STAT3: variants seen among roughly 807,000 people sequenced by gnomAD.
STAT3 encodes signal transducer and activator of transcription 3, also known as DNA-binding protein APRF.
STAT3 carries 7 observed loss-of-function variants against 114.3 expected under a neutral mutation model. The ratio of observed to expected loss-of-function variants is 0.06; its 90% CI spans 0.03 to 0.11. STAT3 has a LOEUF of 0.11. Ranked by LOEUF, STAT3 falls within the 10% of genes least tolerant of loss-of-function variation. The probability of loss-of-function intolerance (pLI) is 1.00; values close to 1 mark genes in which losing one functional copy is unlikely to be tolerated. For missense variants in STAT3, 364 were observed against 960.9 expected, an observed-to-expected ratio of 0.38 and a Z score of 8.21; for synonymous variants, 331 against 354.5, an observed-to-expected ratio of 0.93 and a Z score of 0.74.
intron 4 of STAT3, among the ~76,000 whole-genome samples, chr17:42,341,237 T>C (rs1225058533): frequency 6.6e-6 from 1 of 152,244 alleles, no homozygotes; most frequent in Non-Finnish European, 1.5e-5. Context: ...GGCTCCCCAC[T>C]GCTTCCAGCT....
At chr17:42,327,453 T>C (rs1328134513) in intron 14 of STAT3, among the ~76,000 whole-genome samples, 3 of 152,206 alleles carry the variant, frequency 2.0e-5, no homozygotes, top group Non-Finnish European at 2.9e-5. Flanking sequence ...GTGTATTCCT[T>C]TTCACAGCTG....
At chr17:42,362,748 G>A (rs977651790) in intron 1 of STAT3, among the ~76,000 whole-genome samples, 2 of 152,136 alleles carry the variant, frequency 1.3e-5, no homozygotes, top group South Asian at 2.1e-4. Flanking sequence ...GCCCAATAGC[G>A]TGCAGCATGT....
At chr17:42,353,205 G>T (rs1235694826) in intron 1 of STAT3, among the ~76,000 whole-genome samples, 1 of 151,980 alleles carries the variant, frequency 6.6e-6, no homozygotes, top group Non-Finnish European at 1.5e-5. Flanking sequence ...AAAATTAGCT[G>T]GGTATGGTGG....
At chr17:42,339,998 C>T (rs7215104) in intron 4 of STAT3, among the ~76,000 whole-genome samples, 11,295 of 151,718 alleles carry the variant, frequency 0.074, 1,422 homozygotes, top group African/African-American at 0.26. Context: ...GGCCCCATCT[C>T]GAATGAATAA....
intron 1 of STAT3, among the ~76,000 whole-genome samples, chr17:42,361,899 G>A (rs72823023): frequency 0.04 from 6,057 of 152,292 alleles, 180 homozygotes; most frequent in Non-Finnish European, 0.065. Context: ...GGAGGTCGTG[G>A]CTGCCCAATT....
intron 14 of STAT3, among the ~76,000 whole-genome samples, chr17:42,328,076 T>G (rs2081817579): frequency 6.6e-6 from 1 of 151,594 alleles, no homozygotes; most frequent in Non-Finnish European, 1.5e-5. Context: ...TATAATTCAT[T>G]TTTAATACTA....
intron 1 of STAT3, among the ~76,000 whole-genome samples, chr17:42,362,988 C>T (rs1222074378): frequency 1.3e-5 from 2 of 152,190 alleles, no homozygotes; most frequent in Non-Finnish European, 2.9e-5. Context: ...GGACTCATAA[C>T]CACTATGCTG....
intron 14 of STAT3, 55 bp downstream of exon 14, chr17:42,329,355 C>A: frequency 6.2e-7 from 1 of 1,604,656 alleles, no homozygotes; most frequent in Non-Finnish European, 8.5e-7. Context: ...GATCTTTACC[C>A]CTCTCTCCCT....
chr17:42,339,760 T>C (rs994511669), intron 4 of STAT3, among the ~76,000 whole-genome samples: 5 of 150,460 alleles, frequency 3.3e-5, no homozygotes, highest in African/African-American at 1.2e-4. Context: ...TGAGGGATAA[T>C]AAAAAAAAAG....
In STAT3 at chr17:42,319,718, G is replaced by C. The variant is rs141052465; in HGVS notation, c.2102-2494C>G. On this transcript the variant is annotated intron_variant, in intron 21 of 23. Transcript: ENST00000264657. ...GAAGGAAGAGAGAAGAGTCTTGGGA[G>C]GATAATCTAACCTGAGACCCTCATA... Among the ~76,000 whole-genome samples, 499 of 152,150 alleles carry C rather than the reference G, an allele frequency of 3.3e-3. 12 individuals carry two copies. The East Asian group carries it at 0.074, about 23-fold the overall frequency.
intron 1 of STAT3, among the ~76,000 whole-genome samples, chr17:42,364,167 G>A (rs2083658730): frequency 6.6e-6 from 1 of 152,118 alleles, no homozygotes; most frequent in African/African-American, 2.4e-5. Context: ...CTGAACAGAT[G>A]ATGGCCACGA....
intron 3 of STAT3, 34 bp from the exon 4 acceptor site, chr17:42,345,691 C>A (rs768204924): frequency 9.6e-5 from 149 of 1,554,104 alleles, no homozygotes; most frequent in Non-Finnish European, 1.3e-4. Flanking sequence ...TAAAAATCAG[C>A]AGCAGACCAT....
intron 1 of STAT3, among the ~76,000 whole-genome samples, chr17:42,353,347 C>CAAAAAAAA (rs10659012): frequency 2.5e-5 from 2 of 80,754 alleles, no homozygotes; most frequent in Admixed American, 1.6e-4. Context: ...GACTGCATAT[C>CAAAAAAAA]AAAAAAAAAA....
chr17:42,330,586 G>A (rs931442879), intron 11 of STAT3, among the ~76,000 whole-genome samples: 17 of 151,656 alleles, frequency 1.1e-4, no homozygotes, highest in African/African-American at 3.4e-4. Flanking sequence ...CCGCCACCAC[G>A]CCCAGCTAGT....
chr17:42,336,112 G>C (rs1233202110), intron 8 of STAT3, among the ~76,000 whole-genome samples: 1 of 152,068 alleles, frequency 6.6e-6, no homozygotes, highest in African/African-American at 2.4e-5. Context: ...CAACACTCAG[G>C]GTTAGTGAGG....
intron 1 of STAT3, among the ~76,000 whole-genome samples, chr17:42,372,853 A>T (rs1300735776): frequency 6.6e-6 from 1 of 150,718 alleles, no homozygotes; most frequent in African/African-American, 2.4e-5. Context: ...CCTCTAAAAA[A>T]TAATAATAAT....
At chr17:42,352,167 C>T (rs577732255) in intron 1 of STAT3, among the ~76,000 whole-genome samples, 3 of 152,102 alleles carry the variant, frequency 2.0e-5, no homozygotes, top group Admixed American at 1.3e-4. Context: ...AGTGAAACCC[C>T]GTCTCTACTA....
At chr17:42,354,013 A>C (rs1254779795) in intron 1 of STAT3, among the ~76,000 whole-genome samples, 2 of 152,124 alleles carry the variant, frequency 1.3e-5, no homozygotes, top group African/African-American at 4.8e-5. Context: ...GTCATGCATG[A>C]ATATTTGCAT....
intron 4 of STAT3, 94 bp from the exon 5 acceptor site, chr17:42,339,503 T>C: frequency 1.6e-6 from 2 of 1,289,652 alleles, no homozygotes; most frequent in Non-Finnish European, 2.2e-6. Context: ...CTACCCTTCT[T>C]GTTTGGCTTG....
Sources: gnomAD v4.1 joint callset for allele counts (sites outside exome capture counted in the v4.1 genomes callset) on GRCh38, gnomAD v4.1.1 for gene constraint, MANE v1.5 for transcripts, NCBI Gene and HGNC (gene_info 2026-07-23, HGNC 2026-07-21) for gene names.